The following GPR137 variants were observed in gnomAD, a reference collection of about 807,000 sequenced individuals.
GPR137 encodes the protein G protein-coupled receptor 137, also known as integral membrane protein GPR137.
A neutral mutation model predicts 38.9 loss-of-function variants in GPR137; 20 were observed. That is an observed-to-expected ratio of 0.51 (90% CI 0.36 to 0.75). The LOEUF is 0.75. GPR137 is among the 30% of genes least tolerant of loss of function. GPR137 has a pLI of 0.00. For synonymous variants in GPR137, 226 were observed against 235.8 expected (o/e 0.96, Z 0.38); for missense variants, 456 against 526.4 (o/e 0.87, Z 1.31).
chr11:64,286,043 T>G lies in GPR137; in HGVS notation c.-482T>G. ...GAGGCAGAGGCCCTCCCCATCCGCA[T>G]TATTGGAGGAGAGAGAGCCTCCCCC... On this transcript the variant is annotated 5_prime_UTR_variant, in exon 1 of 7. Transcript: ENST00000438980. The G allele has an allele frequency of 1.0e-6, 1 of 985,280 alleles. No homozygotes were observed. Among genetic ancestry groups the G allele is most frequent in the Non-Finnish European group, 1.2e-6 (1 of 829,532 alleles). 61.0% of individuals were successfully genotyped at this position (985,280 alleles called of 1,614,324 possible). A position where few individuals can be genotyped will look rare whatever the true frequency, so the allele number is the denominator to read the frequency against.
chr11:64,276,744 C>T (rs919452865), intron 2 of GPR137: 5 of 587,006 alleles, frequency 8.5e-6, no homozygotes, highest in South Asian at 8.2e-5. Flanking sequence ...TCTCCCTTCT[C>T]TGGGGAAGGG....
At position 64,288,480 on chromosome 11, in the gene GPR137, C is replaced by T; in HGVS notation, c.912+12C>T. On this transcript the variant is annotated intron_variant, in intron 5 of 6. Transcript: ENST00000438980. This position sits in a 1 kb window ranked among gnomAD's most constrained non-coding sequence, Gnocchi z 5.5. ...CCCCACAGGACCTGGTAAGGGTCTG[C>T]TCCCTCTTCTGTGGGGCCAGTGGAG... 1.2e-6 allele frequency: 2 copies of T among 1,613,136 alleles called. No homozygotes were observed. Among genetic ancestry groups the T allele is most frequent in the South Asian group, 1.1e-5 (1 of 91,068 alleles).
chr11:64,271,294 TCTCA>T (rs751599217), upstream of GPR137, among the ~76,000 whole-genome samples: 1 of 2,012 alleles, frequency 5.0e-4, no homozygotes, highest in Non-Finnish European at 1.1e-3. Flanking sequence ...GCCCTGTGAC[TCTCA>T]CACACACACA....
chr11:64,287,024 C>G lies in GPR137; in HGVS notation c.407+10C>G. On this transcript the variant is annotated intron_variant, in intron 2 of 6. Transcript: ENST00000438980. ...AGATGAGCCGAGGCTTGTAAGTACT[C>G]GGGACACTGGTGGGCTCAGCCTCCA... 6.2e-7 allele frequency: 1 copy of G among 1,612,708 alleles called. No homozygotes were observed. The highest frequency in any genetic ancestry group is 8.5e-7 in the Non-Finnish European group (1 of 1,179,580).
At chr11:64,274,279 C>T (rs533535154), upstream of GPR137, among the ~76,000 whole-genome samples, 1 of 151,978 alleles carries the variant, frequency 6.6e-6, no homozygotes, top group South Asian at 2.1e-4. Context: ...TCCAGCTACT[C>T]GGGAGGGTGA....
At position 64,286,510 on chromosome 11, in the gene GPR137, G is replaced by A. The variant is rs1418750344; in HGVS notation, c.-15G>A. 6.3e-7 allele frequency: 1 copy of A among 1,597,120 alleles called. No individual in the cohort carries two copies. Among genetic ancestry groups the A allele is most frequent in the Non-Finnish European group, 8.5e-7 (1 of 1,170,998 alleles). ...CTCCTTGTCTGTCTCCGGGATTCAG[G>A]CCTCCCTCCCTGACATGGAGAGTAA... On this transcript the variant is annotated 5_prime_UTR_variant, in exon 1 of 7. Transcript: ENST00000438980.
At chr11:64,281,194 C>T (rs914035653), upstream of GPR137, among the ~76,000 whole-genome samples, 4 of 152,078 alleles carry the variant, frequency 2.6e-5, no homozygotes, top group Non-Finnish European at 2.9e-5. Flanking sequence ...TCTCTATCTC[C>T]TGACCTCATG....
At position 64,289,150 on chromosome 11, in the gene GPR137, G is replaced by A; in HGVS notation, c.1145G>A (p.Gly382Glu). The A allele has an allele frequency of 1.2e-6, 2 of 1,613,732 alleles. No individual in the cohort carries two copies. Among genetic ancestry groups the A allele is most frequent in the Non-Finnish European group, 1.7e-6 (2 of 1,179,858 alleles). ...TTPLLFSQVPGPGGHHHSLYS... is the reference protein window; with the variant it reads ...TTPLLFSQVPEPGGHHHSLYS... ...CCTCTGCTCTTCTCCCAGGTGCCAG[G>A]ACCAGGCGGCCACCACCACAGTCTC... Residue 382 changes from glycine (G) to glutamate (E), a missense_variant, in exon 7 of 7, where the codon GGA (glycine) becomes GAA (glutamate). By Grantham distance (98) the Gly-to-Glu change is moderately conservative. Transcript: ENST00000438980.
Position 64,288,728 on chromosome 11 carries a change from G to A in GPR137, c.1031+7G>A, listed in dbSNP as rs1461239216. On this transcript the variant is annotated splice_region_variant and intron_variant, in intron 6 of 6. Transcript: ENST00000438980. This position sits in a 1 kb window ranked among gnomAD's most constrained non-coding sequence, Gnocchi z 5.5. Reference sequence around the variant, plus strand: ...GCCGGGGTGAGAGCACCAGGTAGGAGCCGTGGCACTGCCTCAGTACCCCTG... The same window carrying A: ...GCCGGGGTGAGAGCACCAGGTAGGAACCGTGGCACTGCCTCAGTACCCCTG... The A allele has an allele frequency of 1.9e-6, 3 of 1,541,572 alleles. No individual in the cohort carries two copies. Among genetic ancestry groups the A allele is most frequent in the African/African-American group, 2.7e-5 (2 of 73,352 alleles).
At position 64,288,649 on chromosome 11, in the gene GPR137, ACTT is replaced by A. The variant is rs776939942; in HGVS notation, c.963_965del (p.Phe322del). ...GGGCAGGTCTTTGCCTCTCGGTCCTACTTCTTTGACCGGGCTGGGCACTGTGAA... is the reference window on the plus strand; with the variant it reads ...GGGCAGGTCTTTGCCTCTCGGTCCTACTTTGACCGGGCTGGGCACTGTGAA... On this transcript the variant is annotated inframe_deletion, in exon 6 of 7. Transcript: ENST00000438980. The surrounding 1 kb of genome is among the most constrained non-coding windows in gnomAD (Gnocchi z 5.5). 6.2e-7 allele frequency: 1 copy of A among 1,608,220 alleles called. No homozygotes were observed. The highest frequency in any genetic ancestry group is 2.2e-5 in the East Asian group (1 of 44,734).
At chr11:64,285,056 T>G (rs944802773), upstream of GPR137, 1 of 1,106,908 alleles carries the variant, frequency 9.0e-7, no homozygotes, top group Non-Finnish European at 1.1e-6. Flanking sequence ...GTGAAGGGAG[T>G]GATTACTGCG....
At position 64,286,422 on chromosome 11, in the gene GPR137, C is replaced by G; in HGVS notation, c.-103C>G. 4.0e-6 allele frequency: 6 copies of G among 1,486,066 alleles called. No individual in the cohort carries two copies. In the South Asian group the frequency reaches 8.3e-5, roughly 21 times the overall value. The allele number at this position is 1,486,066 out of a possible 1,614,324, so 92.1% of individuals were successfully genotyped here. ...TTCTTTCCTCCTGAGCGCCCCATCT[C>G]CCTCTCTGCACCCTGCAATTCCCAC... On this transcript the variant is annotated 5_prime_UTR_variant, in exon 1 of 7. Coordinates refer to ENST00000438980, the MANE Select transcript of GPR137 (RefSeq NM_001170880.2).
At position 64,289,211 on chromosome 11, in the gene GPR137, C is replaced by T; in HGVS notation, c.*15C>T. On this transcript the variant is annotated 3_prime_UTR_variant, in exon 7 of 7. Coordinates refer to ENST00000438980, the MANE Select transcript of GPR137 (RefSeq NM_001170880.2). Reference sequence around the variant, plus strand: ...CACAGACGTGATCCCCCTCCCTCCCCCACAGAATACCCAGGCCCCAGTCCC... The same window carrying T: ...CACAGACGTGATCCCCCTCCCTCCCTCACAGAATACCCAGGCCCCAGTCCC... 6.2e-7 allele frequency: 1 copy of T among 1,610,664 alleles called. No homozygotes were observed. The highest frequency in any genetic ancestry group is 1.1e-5 in the South Asian group (1 of 91,024).
chr11:64,271,962 A>C, upstream of GPR137: 1 of 482,906 alleles, frequency 2.1e-6, no homozygotes, highest in Non-Finnish European at 3.3e-6. Context: ...TTGTATGTGA[A>C]TCGAGGGGAA....
In GPR137 at chr11:64,288,926, C is replaced by T; in HGVS notation, c.1032-111C>T. On this transcript the variant is annotated intron_variant, in intron 6 of 6. Transcript: ENST00000438980. This position sits in a 1 kb window ranked among gnomAD's most constrained non-coding sequence, Gnocchi z 5.5. ...CCTAGAGATGTACTTTGTCCTGGGC[C>T]CCGAAGGTCTAGGTCACAGGGGTTC... 6.9e-7 allele frequency: 1 copy of T among 1,443,060 alleles called. No homozygotes were observed. The highest frequency in any genetic ancestry group is 1.5e-5 in the South Asian group (1 of 67,876). The allele number at this position is 1,443,060 out of a possible 1,614,324, so 89.4% of individuals were successfully genotyped here. A position where few individuals can be genotyped will look rare whatever the true frequency, so the allele number is the denominator to read the frequency against.
rs1201635394 is a variant in GPR137 at position 64,287,120 on chromosome 11, G to A, written c.407+106G>A. 6 of 1,511,206 alleles carry A rather than the reference G, an allele frequency of 4.0e-6. No homozygotes were observed. The Admixed American group carries it at 1.1e-4, about 27-fold the overall frequency. The allele number at this position is 1,511,206 out of a possible 1,614,324, so 93.6% of individuals were successfully genotyped here. A position where few individuals can be genotyped will look rare whatever the true frequency, so the allele number is the denominator to read the frequency against. On this transcript the variant is annotated intron_variant, in intron 2 of 6. Coordinates refer to ENST00000438980, the MANE Select transcript of GPR137 (RefSeq NM_001170880.2). Reference sequence around the variant, plus strand: ...CAGGGCTGAGACAAAGGCAACCCAGGGAATGTCTGTGGAAGATCTTGGAAA... The same window carrying A: ...CAGGGCTGAGACAAAGGCAACCCAGAGAATGTCTGTGGAAGATCTTGGAAA...
At chr11:64,282,937 C>T (rs993943475), upstream of GPR137, among the ~76,000 whole-genome samples, 3 of 151,024 alleles carry the variant, frequency 2.0e-5, no homozygotes, top group Admixed American at 6.6e-5. Flanking sequence ...GTGTGGTCCA[C>T]ACACCTGTAT....
At chr11:64,287,307 A>C (rs2034203856) in intron 2 of GPR137, 4 of 985,024 alleles carry the variant, frequency 4.1e-6, no homozygotes, top group Non-Finnish European at 4.8e-6. Flanking sequence ...AGCCATATGC[A>C]CTCCTGGGTG....
rs111961353 is a variant in GPR137 at position 64,286,322 on chromosome 11, C to T, written c.-203C>T. ...CCTTCCATGCCCCTGAGTGAGGGGC[C>T]TGGGGCCCAGGCTGCCTGTGTTCCC... On this transcript the variant is annotated 5_prime_UTR_variant, in exon 1 of 7. Transcript: ENST00000438980. 4 of 1,406,982 alleles carry T rather than the reference C, an allele frequency of 2.8e-6. No individual in the cohort carries two copies. Among genetic ancestry groups the T allele is most frequent in the African/African-American group, 2.9e-5 (2 of 69,306 alleles). The allele number at this position is 1,406,982 out of a possible 1,614,324, so 87.2% of individuals were successfully genotyped here.
Sources: gnomAD v4.1 joint callset for allele counts (sites outside exome capture counted in the v4.1 genomes callset) on GRCh38, gnomAD v4.1.1 for gene constraint, Gnocchi (gnomAD v3.1) non-coding constraint, MANE v1.5 for transcripts, NCBI Gene and HGNC (gene_info 2026-07-23, HGNC 2026-07-21) for gene names.